The following ERBB4 variants were observed in gnomAD, a reference collection of about 807,000 sequenced individuals.
The protein encoded by ERBB4 is erb-b2 receptor tyrosine kinase 4.
A neutral mutation model predicts 158.0 loss-of-function variants in ERBB4; 42 were observed. That is an observed-to-expected ratio of 0.27 (90% CI 0.21 to 0.34). The LOEUF (loss-of-function observed/expected upper bound fraction) is 0.34, where lower values mean the gene tolerates loss of function less well. Ranked by LOEUF, ERBB4 falls within the 10% of genes least tolerant of loss-of-function variation. The probability of loss-of-function intolerance (pLI) is 1.00; values close to 1 mark genes in which losing one functional copy is unlikely to be tolerated. For synonymous variants in ERBB4, 583 were observed against 558.7 expected (o/e 1.04, Z -0.61); for missense variants, 1,333 against 1,624.1 (o/e 0.82, Z 3.08).
intron 3 of ERBB4, among the ~76,000 whole-genome samples, chr2:211,886,096 G>T (rs2078793438): frequency 6.6e-6 from 1 of 152,144 alleles, no homozygotes; most frequent in Non-Finnish European, 1.5e-5. Context: ...CTTTTTAGAT[G>T]ATATCTTCTT....
At chr2:212,498,096 TTG>T (rs1015607083) in intron 1 of ERBB4, among the ~76,000 whole-genome samples, 1 of 151,088 alleles carries the variant, frequency 6.6e-6, no homozygotes, top group South Asian at 2.1e-4. Context: ...AGCCTTTCTA[TTG>T]TGTGTGTGTG....
intron 2 of ERBB4, among the ~76,000 whole-genome samples, chr2:212,054,886 T>C (rs989236509): frequency 4.6e-5 from 7 of 152,098 alleles, no homozygotes; most frequent in Admixed American, 4.6e-4. Flanking sequence ...ATGCAGAAGA[T>C]GGGTGATTTC....
chr2:212,343,944 A>G (rs2088846046), intron 1 of ERBB4, among the ~76,000 whole-genome samples: 1 of 152,184 alleles, frequency 6.6e-6, no homozygotes. Flanking sequence ...GATGATTCCA[A>G]TGCAATTTTT....
chr2:211,915,654 G>T (rs1650739387), intron 3 of ERBB4, among the ~76,000 whole-genome samples: 1 of 151,802 alleles, frequency 6.6e-6, no homozygotes, highest in South Asian at 2.1e-4. Context: ...AGGAGTCTGG[G>T]CAGGCCAAGT....
At chr2:211,768,723 C>A (rs1359689332) in intron 4 of ERBB4, among the ~76,000 whole-genome samples, 3 of 152,286 alleles carry the variant, frequency 2.0e-5, no homozygotes, top group East Asian at 3.9e-4. Flanking sequence ...TTGCACAAAG[C>A]AGCAAGGCCC....
intron 25 of ERBB4, among the ~76,000 whole-genome samples, chr2:211,407,661 T>C (rs1198254499): frequency 6.6e-6 from 1 of 152,220 alleles, no homozygotes; most frequent in African/African-American, 2.4e-5. Context: ...CAGCTTTTGC[T>C]CAAGTGTAAT....
chr2:211,920,590 G>GTT (rs2079832421), intron 3 of ERBB4, among the ~76,000 whole-genome samples: 2 of 151,836 alleles, frequency 1.3e-5, no homozygotes, highest in African/African-American at 4.8e-5. Flanking sequence ...TGCAAGATGT[G>GTT]TTTGCCAATA....
At chr2:211,971,720 T>C (rs1332184739) in intron 2 of ERBB4, among the ~76,000 whole-genome samples, 1 of 152,138 alleles carries the variant, frequency 6.6e-6, no homozygotes, top group Non-Finnish European at 1.5e-5. Context: ...TAGGCTTCAT[T>C]TCCAGGAAAC....
At chr2:212,006,751 A>C (rs1186123570) in intron 2 of ERBB4, among the ~76,000 whole-genome samples, 4 of 152,070 alleles carry the variant, frequency 2.6e-5, no homozygotes, top group Non-Finnish European at 4.4e-5. Context: ...AGATACTATC[A>C]CTATCTTGTG....
At chr2:211,981,142 C>T (rs1276245164) in intron 2 of ERBB4, among the ~76,000 whole-genome samples, 1 of 152,130 alleles carries the variant, frequency 6.6e-6, no homozygotes, top group Non-Finnish European at 1.5e-5. Flanking sequence ...CAGCAATATG[C>T]TGAAAGCAAA....
chr2:212,504,796 AT>A (rs2106253701), intron 1 of ERBB4, among the ~76,000 whole-genome samples: 1 of 152,292 alleles, frequency 6.6e-6, no homozygotes, highest in African/African-American at 2.4e-5. Context: ...TTGTGTTTGC[AT>A]ATGATTTAGA....
intron 2 of ERBB4, among the ~76,000 whole-genome samples, chr2:212,096,435 A>G (rs2078936144): frequency 6.6e-6 from 1 of 152,188 alleles, no homozygotes; most frequent in African/African-American, 2.4e-5. Flanking sequence ...CATATGTTAT[A>G]TATTAGGAGG....
At chr2:211,503,311 G>A (rs1270536668) in intron 20 of ERBB4, among the ~76,000 whole-genome samples, 1 of 152,102 alleles carries the variant, frequency 6.6e-6, no homozygotes, top group Non-Finnish European at 1.5e-5. Flanking sequence ...CCTGCTGTCT[G>A]CCGAGCCAGG....
intron 1 of ERBB4, among the ~76,000 whole-genome samples, chr2:212,175,552 C>T (rs78693691): frequency 0.015 from 2,249 of 151,234 alleles, 51 homozygotes; most frequent in African/African-American, 0.05. Context: ...AGATAATTTT[C>T]GCGCTATGTC....
intron 1 of ERBB4, among the ~76,000 whole-genome samples, chr2:212,186,373 G>C (rs1210733703): frequency 6.6e-6 from 1 of 152,164 alleles, no homozygotes; most frequent in African/African-American, 2.4e-5. Flanking sequence ...AATCTGTCTA[G>C]TCAGCAAGAT....
At chr2:211,638,163 C>CT (rs201437626) in intron 16 of ERBB4, among the ~76,000 whole-genome samples, 4,579 of 147,384 alleles carry the variant, frequency 0.031, 115 homozygotes, top group African/African-American at 0.066. Flanking sequence ...AAATGGTTTT[C>CT]TTTTTTTTTT....
At chr2:212,505,210 C>T (rs1451536719) in intron 1 of ERBB4, among the ~76,000 whole-genome samples, 1 of 152,174 alleles carries the variant, frequency 6.6e-6, no homozygotes, top group South Asian at 2.1e-4. Flanking sequence ...GATTCTCCTG[C>T]CTCAGCCTCC....
At chr2:212,005,566 T>C (rs2076240298) in intron 2 of ERBB4, among the ~76,000 whole-genome samples, 1 of 152,122 alleles carries the variant, frequency 6.6e-6, no homozygotes, top group Admixed American at 6.5e-5. Flanking sequence ...ATTCGTCAGA[T>C]ATGGAATTTT....
chr2:212,503,053 A>G (rs1351066000), intron 1 of ERBB4, among the ~76,000 whole-genome samples: 1 of 152,128 alleles, frequency 6.6e-6, no homozygotes, highest in Non-Finnish European at 1.5e-5. Context: ...GCAACCTTCC[A>G]TTCTTTTTCC....
Sources: gnomAD v4.1 joint callset for allele counts (sites outside exome capture counted in the v4.1 genomes callset) on GRCh38, gnomAD v4.1.1 for gene constraint, MANE v1.5 for transcripts, NCBI Gene and HGNC (gene_info 2026-07-23, HGNC 2026-07-21) for gene names.